Variants in FOXP2 observed in about 807,000 individuals in gnomAD.
The protein encoded by FOXP2 is forkhead box P2, also known as forkhead box protein P2.
A neutral mutation model predicts 115.8 loss-of-function variants in FOXP2; 12 were observed. The ratio of observed to expected loss-of-function variants is 0.10; its 90% confidence interval spans 0.07 to 0.17. FOXP2 has a LOEUF of 0.17. FOXP2 is among the 10% of genes least tolerant of loss of function. The probability of loss-of-function intolerance (pLI) is 1.00; values close to 1 mark genes in which losing one functional copy is unlikely to be tolerated. For missense variants in FOXP2, 629 were observed against 843.5 expected, an observed-to-expected ratio of 0.75 and a Z score of 3.15; for synonymous variants, 328 against 297.7, an observed-to-expected ratio of 1.10 and a Z score of -1.05.
At chr7:114,592,243 G>A (rs901917236) in intron 3 of FOXP2, among the ~76,000 whole-genome samples, 5 of 151,724 alleles carry the variant, frequency 3.3e-5, no homozygotes, top group South Asian at 4.2e-4. Context: ...CCCTATTTAC[G>A]TAATTCTAAA....
intron 1 of FOXP2, among the ~76,000 whole-genome samples, chr7:114,269,554 G>A (rs966008932): frequency 2.0e-5 from 3 of 152,084 alleles, no homozygotes; most frequent in African/African-American, 7.2e-5. Context: ...GCCTCCCAAA[G>A]TGCTCTGATT....
chr7:114,407,208 A>G (rs911561428), intron 2 of FOXP2, among the ~76,000 whole-genome samples: 2 of 152,068 alleles, frequency 1.3e-5, no homozygotes, highest in Non-Finnish European at 2.9e-5. Context: ...ACAGTCTGCA[A>G]AAGAAATTCA....
intron 3 of FOXP2, among the ~76,000 whole-genome samples, chr7:114,559,212 TC>T (rs1210494374): frequency 6.6e-6 from 1 of 152,144 alleles, no homozygotes; most frequent in Non-Finnish European, 1.5e-5. Context: ...ACTATGCACA[TC>T]TTTTGTTTTT....
chr7:114,622,570 G>A (rs1804312017), intron 3 of FOXP2, among the ~76,000 whole-genome samples: 1 of 151,872 alleles, frequency 6.6e-6, no homozygotes, highest in African/African-American at 2.4e-5. Context: ...CTGACTCTTT[G>A]TTTTGGAGAG....
intron 2 of FOXP2, among the ~76,000 whole-genome samples, chr7:114,313,431 T>TTTAC (rs1797193407): frequency 6.6e-6 from 1 of 152,206 alleles, no homozygotes; most frequent in African/African-American, 2.4e-5. Context: ...TACTAAATTG[T>TTTAC]TAATCTATTA....
At chr7:114,212,435 C>T (rs1474328133) in intron 1 of FOXP2, among the ~76,000 whole-genome samples, 1 of 151,936 alleles carries the variant, frequency 6.6e-6, no homozygotes, top group Non-Finnish European at 1.5e-5. Flanking sequence ...TGGTTTTTTA[C>T]CCTCACAGAT....
At chr7:114,470,901 T>C (rs1261272481) in intron 2 of FOXP2, among the ~76,000 whole-genome samples, 1 of 152,120 alleles carries the variant, frequency 6.6e-6, no homozygotes, top group Non-Finnish European at 1.5e-5. Context: ...GAAGTTCCCA[T>C]TCCTGTGCCT....
At chr7:114,200,993 A>G (rs908086220) in intron 1 of FOXP2, among the ~76,000 whole-genome samples, 12 of 152,158 alleles carry the variant, frequency 7.9e-5, no homozygotes, top group Middle Eastern at 3.4e-3. Context: ...TGTTTCTACT[A>G]AAAATACAAA....
At chr7:114,394,655 C>T (rs368790076) in intron 2 of FOXP2, among the ~76,000 whole-genome samples, 1 of 152,256 alleles carries the variant, frequency 6.6e-6, no homozygotes, top group Non-Finnish European at 1.5e-5. Context: ...GAAAAACGAG[C>T]ATCACCTTTG....
At chr7:114,563,423 T>C (rs2129292201) in intron 3 of FOXP2, among the ~76,000 whole-genome samples, 1 of 152,316 alleles carries the variant, frequency 6.6e-6, no homozygotes, top group Non-Finnish European at 1.5e-5. Flanking sequence ...TTGTTAACTT[T>C]TATATCAGTG....
chr7:114,643,428 T>C (rs2129333888), intron 7 of FOXP2, among the ~76,000 whole-genome samples: 1 of 152,312 alleles, frequency 6.6e-6, no homozygotes, highest in Non-Finnish European at 1.5e-5. Context: ...GGTTTGCCTT[T>C]TTAATTGTTG....
chr7:114,163,279 A>G (rs1415250633), intron 1 of FOXP2, among the ~76,000 whole-genome samples: 1 of 152,142 alleles, frequency 6.6e-6, no homozygotes, highest in Non-Finnish European at 1.5e-5. Context: ...ATACCTTACA[A>G]TAATAATATT....
intron 3 of FOXP2, among the ~76,000 whole-genome samples, chr7:114,603,551 G>A (rs12671997): frequency 0.026 from 3,967 of 152,262 alleles, 219 homozygotes; most frequent in East Asian, 0.24. Flanking sequence ...CTGAGCTGGA[G>A]GTGTTGCAAA....
intron 2 of FOXP2, among the ~76,000 whole-genome samples, chr7:114,441,443 A>T (rs1215494263): frequency 6.6e-6 from 1 of 151,312 alleles, no homozygotes; most frequent in Non-Finnish European, 1.5e-5. Context: ...ACAGAGGGAG[A>T]CTCCATCTCA....
intron 2 of FOXP2, among the ~76,000 whole-genome samples, chr7:114,496,038 T>C (rs1311618705): frequency 6.6e-6 from 1 of 152,188 alleles, no homozygotes; most frequent in Non-Finnish European, 1.5e-5. Flanking sequence ...CAGGATACAC[T>C]TCCTTTAGAT....
chr7:114,605,412 C>T (rs958436149), intron 3 of FOXP2, among the ~76,000 whole-genome samples: 1 of 152,100 alleles, frequency 6.6e-6, no homozygotes, highest in East Asian at 1.9e-4. Context: ...CTACTATGTG[C>T]AAAAGCATTT....
chr7:114,238,153 T>C (rs1314722884), intron 1 of FOXP2, among the ~76,000 whole-genome samples: 1 of 152,204 alleles, frequency 6.6e-6, no homozygotes, highest in African/African-American at 2.4e-5. Flanking sequence ...GTAGTTAAAC[T>C]ATGAAATGCA....
intron 1 of FOXP2, among the ~76,000 whole-genome samples, chr7:114,186,292 TA>T (rs1793605098): frequency 6.6e-6 from 1 of 152,130 alleles, no homozygotes; most frequent in African/African-American, 2.4e-5. Flanking sequence ...GAGTTTCACA[TA>T]TGGGTGAGAC....
At chr7:114,432,245 C>T (rs1049162457) in intron 2 of FOXP2, among the ~76,000 whole-genome samples, 2 of 151,990 alleles carry the variant, frequency 1.3e-5, no homozygotes, top group Non-Finnish European at 2.9e-5. Context: ...ATATAGTCTA[C>T]TGTCTTTAGG....
Sources: allele counts gnomAD v4.1 joint callset (sites outside exome capture counted in the v4.1 genomes callset), GRCh38; gene constraint gnomAD v4.1.1; transcripts MANE v1.5; gene names NCBI Gene and HGNC (gene_info 2026-07-23, HGNC 2026-07-21).